NPY2R: variants seen among roughly 807,000 people sequenced by gnomAD.
NPY2R encodes neuropeptide Y receptor Y2, also known as neuropeptide Y receptor type 2.
Under a neutral mutation model 22.3 loss-of-function variants are expected in NPY2R, and 17 were observed. That is an observed-to-expected ratio of 0.76 (90% confidence interval 0.52 to 1.14). NPY2R has a LOEUF of 1.14. Ranked by LOEUF, NPY2R falls within the 50% of genes most tolerant of loss-of-function variation. The pLI is 0.00. For synonymous variants in NPY2R, 209 were observed against 183.4 expected, an observed-to-expected ratio of 1.14 and a Z score of -1.13; for missense variants, 424 against 467.9, an observed-to-expected ratio of 0.91 and a Z score of 0.87.
rs1271870745 is a variant in NPY2R, at chr4:155,216,836, C to T, written c.*1751C>T. 2 of 166,966 alleles carry T rather than the reference C, an allele frequency of 1.2e-5. No homozygotes were observed. The highest frequency in any genetic ancestry group is 6.5e-5 in the Admixed American group (1 of 15,270). The allele number at this position is 166,966 out of a possible 1,614,324, so 10.3% of individuals were successfully genotyped here. A position where few individuals can be genotyped will look rare whatever the true frequency, so the allele number is the denominator to read the frequency against. On this transcript the variant is annotated 3_prime_UTR_variant, in exon 2 of 2. Coordinates refer to ENST00000329476, the MANE Select transcript of NPY2R (RefSeq NM_000910.4). Reference sequence around the variant, plus strand: ...AATAACCTTTTTGTCTTTTAAGTAGCAGTCACTTTGCTTAAGATGCTAATA... The same window carrying T: ...AATAACCTTTTTGTCTTTTAAGTAGTAGTCACTTTGCTTAAGATGCTAATA...
At chr4:155,207,326 G>C (rs935336156), upstream of NPY2R, 1 of 152,186 alleles carries the variant, frequency 6.6e-6, no homozygotes, top group African/African-American at 2.4e-5. Flanking sequence ...TTTTAGAGTA[G>C]CGGAATCTAA....
the NPY2R span, among the ~76,000 whole-genome samples, chr4:155,188,870 A>G: frequency 3.9e-5 from 6 of 152,130 alleles, no homozygotes; most frequent in South Asian, 4.1e-4. Context: ...TGGATAAACC[A>G]TGTCCTAATT....
At chr4:155,198,599 T>C in the NPY2R span, among the ~76,000 whole-genome samples, 1 of 147,338 alleles carries the variant, frequency 6.8e-6, no homozygotes, top group Non-Finnish European at 1.5e-5. Context: ...ATATAATATA[T>C]ATATTTGATA....
the NPY2R span, among the ~76,000 whole-genome samples, chr4:155,179,397 C>T: frequency 0.086 from 13,025 of 152,200 alleles, 846 homozygotes; most frequent in South Asian, 0.28. Flanking sequence ...TTTTGGCAAG[C>T]TGTCAAGTTA....
chr4:155,213,837 C>G lies in NPY2R; in HGVS notation c.-48-55C>G, dbSNP rs746613101. Reference sequence around the variant, plus strand: ...CTTTGCTTCACCTTTGTGTTTTCCTCGTTCCATTGGTTTTTGTTGTTGTTG... The same window carrying G: ...CTTTGCTTCACCTTTGTGTTTTCCTGGTTCCATTGGTTTTTGTTGTTGTTG... On this transcript the variant is annotated intron_variant, in intron 1 of 1. Coordinates refer to ENST00000329476, the MANE Select transcript of NPY2R (RefSeq NM_000910.4). 4 of 974,434 alleles carry G rather than the reference C, an allele frequency of 4.1e-6. No individual in the cohort carries two copies. The East Asian group carries it at 9.6e-5, about 23-fold the overall frequency. The allele number at this position is 974,434 out of a possible 1,614,324, so 60.4% of individuals were successfully genotyped here.
chr4:155,182,504 A>G, the NPY2R span, among the ~76,000 whole-genome samples: 1 of 152,110 alleles, frequency 6.6e-6, no homozygotes, highest in African/African-American at 2.4e-5. Context: ...GAATACTGCA[A>G]GCTGATGTCA....
chr4:155,198,180 T>C, the NPY2R span, among the ~76,000 whole-genome samples: 1 of 151,970 alleles, frequency 6.6e-6, no homozygotes, highest in Non-Finnish European at 1.5e-5. Context: ...TCCTCTAAAA[T>C]GTCAAATACC....
chr4:155,198,796 A>G, the NPY2R span, among the ~76,000 whole-genome samples: 1 of 151,704 alleles, frequency 6.6e-6, no homozygotes, highest in African/African-American at 2.4e-5. Context: ...AGATCTTCTA[A>G]GACCAACTTC....
the NPY2R span, among the ~76,000 whole-genome samples, chr4:155,187,985 C>T: frequency 6.6e-6 from 1 of 152,096 alleles, no homozygotes; most frequent in East Asian, 1.9e-4. Context: ...GAATGAAGAA[C>T]ATTCTCCTAG....
the NPY2R span, among the ~76,000 whole-genome samples, chr4:155,189,762 G>A: frequency 6.6e-6 from 1 of 151,822 alleles, no homozygotes; most frequent in Non-Finnish European, 1.5e-5. Context: ...CTACTCCTAT[G>A]TTTCCTAATT....
At chr4:155,206,588 T>C (rs1222684711), upstream of NPY2R, 5 of 152,232 alleles carry the variant, frequency 3.3e-5, no homozygotes, top group Non-Finnish European at 7.3e-5. Flanking sequence ...ATTTACTCTT[T>C]TGAGGTTGCT....
At chr4:155,199,687 G>T in the NPY2R span, among the ~76,000 whole-genome samples, 126 of 152,172 alleles carry the variant, frequency 8.3e-4, no homozygotes, top group African/African-American at 2.8e-3. Context: ...CAATGGAACA[G>T]AACAGAGACC....
At chr4:155,180,511 C>G in the NPY2R span, among the ~76,000 whole-genome samples, 1 of 152,048 alleles carries the variant, frequency 6.6e-6, no homozygotes, top group Non-Finnish European at 1.5e-5. Flanking sequence ...TACCAGTTGA[C>G]AAGATAATTT....
At chr4:155,188,942 T>C in the NPY2R span, among the ~76,000 whole-genome samples, 2 of 152,250 alleles carry the variant, frequency 1.3e-5, no homozygotes, top group South Asian at 2.1e-4. Context: ...GTGTTTTACT[T>C]AGTAATAAAT....
At chr4:155,190,802 G>A in the NPY2R span, among the ~76,000 whole-genome samples, 1 of 151,804 alleles carries the variant, frequency 6.6e-6, no homozygotes, top group East Asian at 1.9e-4. Context: ...AAAGGCAGGC[G>A]ATTCAATATC....
the NPY2R span, among the ~76,000 whole-genome samples, chr4:155,187,190 A>T: frequency 7.2e-5 from 11 of 152,206 alleles, no homozygotes; most frequent in Admixed American, 2.0e-4. Context: ...TGGGTAAATT[A>T]ATCACTGAAA....
the NPY2R span, among the ~76,000 whole-genome samples, chr4:155,202,325 G>T: frequency 6.6e-6 from 1 of 151,904 alleles, no homozygotes; most frequent in African/African-American, 2.4e-5. Flanking sequence ...TTCCTCCTTG[G>T]GGTCTCAAAG....
At chr4:155,174,486 T>TATATATATATATA in the NPY2R span, among the ~76,000 whole-genome samples, 30 of 68,668 alleles carry the variant, frequency 4.4e-4, no homozygotes, top group African/African-American at 2.3e-3. Flanking sequence ...ATATATATAT[T>TATATATATATATA]TTTTTTTTTA....
At chr4:155,182,357 C>T in the NPY2R span, among the ~76,000 whole-genome samples, 10 of 152,280 alleles carry the variant, frequency 6.6e-5, no homozygotes, top group African/African-American at 2.4e-4. Flanking sequence ...CAATATGCAT[C>T]TGTCACTTGT....
Sources: gnomAD v4.1 joint callset for allele counts (sites outside exome capture counted in the v4.1 genomes callset) on GRCh38, gnomAD v4.1.1 for gene constraint, MANE v1.5 for transcripts, NCBI Gene and HGNC (gene_info 2026-07-23, HGNC 2026-07-21) for gene names.